The following SNRNP200 variants were observed in gnomAD, a reference collection of about 807,000 sequenced individuals.
SNRNP200 encodes the protein small nuclear ribonucleoprotein U5 subunit 200.
Under a neutral mutation model 255.2 loss-of-function variants are expected in SNRNP200, and 66 were observed. That is an observed-to-expected ratio of 0.26 (90% CI 0.21 to 0.32). SNRNP200 has a LOEUF of 0.32. Ranked by LOEUF, SNRNP200 falls within the 10% of genes least tolerant of loss-of-function variation. The pLI is 1.00. For missense variants in SNRNP200, 1,585 were observed against 2,749.8 expected (o/e 0.58, Z 9.47); for synonymous variants, 939 against 1,027.8 (o/e 0.91, Z 1.65).
At chr2:96,301,268 T>C (rs2063950648) in intron 4 of SNRNP200, among the ~76,000 whole-genome samples, 1 of 152,218 alleles carries the variant, frequency 6.6e-6, no homozygotes, top group Non-Finnish European at 1.5e-5. Flanking sequence ...CCAGCTCTGC[T>C]TGCTCAACCA....
Position 96,277,006 on chromosome 2 carries a change from C to G in SNRNP200, c.6093-21G>C, listed in dbSNP as rs748433799. The G allele has an allele frequency of 6.2e-7, 1 of 1,614,016 alleles. No individual in the cohort carries two copies. The highest frequency in any genetic ancestry group is 1.1e-5 in the South Asian group (1 of 91,080). On this transcript the variant is annotated intron_variant, in intron 42 of 44. Transcript: ENST00000323853. This position sits in a 1 kb window ranked among gnomAD's most constrained non-coding sequence, Gnocchi z 4.4. ...CGCCACTGCAGGGGGAGAGGAGGGGCGCACGTCAGTGATGGGGCAGTGGGC... is the reference window on the plus strand; with the variant it reads ...CGCCACTGCAGGGGGAGAGGAGGGGGGCACGTCAGTGATGGGGCAGTGGGC...
rs2063846543 is a variant in SNRNP200, at chr2:96,286,788, G to C, written c.3729C>G (p.Ala1243=). The C allele has an allele frequency of 6.2e-7, 1 of 1,614,170 alleles. No individual in the cohort carries two copies. The highest frequency in any genetic ancestry group is 8.5e-7 in the Non-Finnish European group (1 of 1,180,038). ...TGAGGTGCTCGTCCTGGGCGTACTT[G>C]GCCTTGAGGAGAAAATACTCATGGT... The part of the protein sequence containing the change: ...ILHHEYFLLK[A]KYAQDEHLIT... Residue 1243 remains alanine, a synonymous_variant, in exon 28 of 45, where the codon GCC becomes GCG. Coordinates refer to ENST00000323853, the MANE Select transcript of SNRNP200 (RefSeq NM_014014.5). The surrounding 1 kb of genome is among the most constrained non-coding windows in gnomAD (Gnocchi z 4.8).
At position 96,293,304 on chromosome 2, in the gene SNRNP200, C is replaced by T; in HGVS notation, c.2036+12G>A. On this transcript the variant is annotated intron_variant, in intron 15 of 44. Coordinates refer to ENST00000323853, the MANE Select transcript of SNRNP200 (RefSeq NM_014014.5). ...TCACCTTGGCAGAACTTTGCCCAGT[C>T]TTTCCTGATACCTGTTGTCAAAGTA... The T allele has an allele frequency of 6.2e-7, 1 of 1,613,192 alleles. No homozygotes were observed. Among genetic ancestry groups the T allele is most frequent in the Non-Finnish European group, 8.5e-7 (1 of 1,179,108 alleles).
At position 96,290,367 on chromosome 2, in the gene SNRNP200, G is replaced by C; in HGVS notation, c.2701C>G (p.Leu901Val). 1 of 1,614,176 alleles carries C rather than the reference G, an allele frequency of 6.2e-7. No individual in the cohort carries two copies. Among genetic ancestry groups the C allele is most frequent in the East Asian group, 2.2e-5 (1 of 44,878 alleles). Reference sequence around the variant, plus strand: ...TTTCCTAGCACGATTTCTGCATTGAGCATGTCAGGAAGCTTTGAAACCATC... The same window carrying C: ...TTTCCTAGCACGATTTCTGCATTGACCATGTCAGGAAGCTTTGAAACCATC... ...SQMVSKLPDM[L>V]NAEIVLGNVQ... Residue 901 changes from leucine (L) to valine (V), a missense_variant, in exon 20 of 45, where the codon CTC (leucine) becomes GTC (valine). By Grantham distance (32) the Leu-to-Val change is conservative. Around this residue, in one of 9 missense-constraint regions of SNRNP200, gnomAD observed 719 missense variants for 1,091.1 expected, o/e 0.66. Transcript: ENST00000323853. The surrounding 1 kb of genome is among the most constrained non-coding windows in gnomAD (Gnocchi z 4.5).
rs79824458 is a variant in SNRNP200, at chr2:96,280,112, A to C, written c.5025-553T>G. 4.7e-3 allele frequency among the ~76,000 whole-genome samples: 722 copies of C among 152,314 alleles called. 2 individuals carry two copies. Among genetic ancestry groups the C allele is most frequent in the Admixed American group, 9.0e-3 (137 of 15,298 alleles). On this transcript the variant is annotated intron_variant, in intron 35 of 44. Transcript: ENST00000323853. ...ATTTCGTGAGTCATCAAGTCACCCA[A>C]CTTTAACCCTACCTAGAAGCAGGTT...
Position 96,286,460 on chromosome 2 carries a change from G to A in SNRNP200, c.3854C>T (p.Ser1285Phe), listed in dbSNP as rs2063844010. The change falls in exon 29 of 45, where the codon TCC becomes TTC. Residue 1285 changes from serine to phenylalanine, a missense_variant. Physicochemically the swap from Ser to Phe is radical, Grantham distance 155. Transcript: ENST00000323853. This position sits in a 1 kb window ranked among gnomAD's most constrained non-coding sequence, Gnocchi z 4.8. Reference sequence around the variant, plus strand: ...CTCCGGCAAGATCAGGTGCCGGAAGGAGACAGGCAGCTGGGTCTCACAAGC... The same window carrying A: ...CTCCGGCAAGATCAGGTGCCGGAAGAAGACAGGCAGCTGGGTCTCACAAGC... ...WLSCETQLPV[S>F]FRHLILPEKY... is the part of the protein sequence containing the mutation. 1 of 1,614,172 alleles carries A rather than the reference G, an allele frequency of 6.2e-7. No homozygotes were observed.
intron 13 of SNRNP200, among the ~76,000 whole-genome samples, chr2:96,295,877 G>A (rs1324248065): frequency 6.6e-6 from 1 of 152,176 alleles, no homozygotes; most frequent in Non-Finnish European, 1.5e-5. Context: ...CAGGCATGGT[G>A]GCTCATGCCT....
intron 2 of SNRNP200, 96 bp from the exon 3 acceptor site, chr2:96,303,426 A>G (rs1422665047): frequency 5.0e-6 from 7 of 1,408,796 alleles, no homozygotes; most frequent in Non-Finnish European, 6.0e-6. Context: ...CTTCATGGCA[A>G]GAAGTTAATA....
At chr2:96,275,429 A>G in intron 43 of SNRNP200, 80 bp from the exon 44 acceptor site, 1 of 1,180,968 alleles carries the variant, frequency 8.5e-7, no homozygotes, top group Non-Finnish European at 1.3e-6. Flanking sequence ...ACAGTTACAA[A>G]AGAGAGAACA....
intron 35 of SNRNP200, 119 bp from the exon 36 acceptor site, chr2:96,279,678 T>C: frequency 1.4e-6 from 1 of 697,662 alleles, no homozygotes; most frequent in Non-Finnish European, 2.6e-6. Flanking sequence ...CACGGACAAA[T>C]CACGGGACGA....
Position 96,289,022 on chromosome 2 carries a change from A to C in SNRNP200, c.3174+15T>G, listed in dbSNP as rs758500276. 1 of 1,598,316 alleles carries C rather than the reference A, an allele frequency of 6.3e-7. No individual in the cohort carries two copies. Among genetic ancestry groups the C allele is most frequent in the East Asian group, 2.2e-5 (1 of 44,748 alleles). ...AATCCTCATCCTTATCAAAGCAAAG[A>C]GGAGAGGAGCTCACCTTAGCACTGG... On this transcript the variant is annotated intron_variant, in intron 23 of 44. Coordinates refer to ENST00000323853, the MANE Select transcript of SNRNP200 (RefSeq NM_014014.5).
In SNRNP200 at chr2:96,303,221, T is replaced by C. The variant is rs2063964442; in HGVS notation, c.319A>G (p.Lys107Glu). 1.2e-6 allele frequency: 2 copies of C among 1,614,208 alleles called. No homozygotes were observed. Among genetic ancestry groups the C allele is most frequent in the Non-Finnish European group, 1.7e-6 (2 of 1,180,034 alleles). The change falls in exon 3 of 45, where the codon AAA becomes GAA. Residue 107 changes from lysine (K) to glutamate (E), a missense_variant. Lys to Glu is a moderately conservative substitution (Grantham distance 56). Coordinates refer to ENST00000323853, the MANE Select transcript of SNRNP200 (RefSeq NM_014014.5). ...ACCTCATAGGTCTCCCGAGTCTCTT[T>C]AGTTTTGGGCTTGTAGATGATGCCC... ...MVGIIYKPKT[K>E]ETRETYEVLL...
At position 96,275,089 on chromosome 2, in the gene SNRNP200, C is replaced by T. The variant is rs1460114569; in HGVS notation, c.6334G>A (p.Ala2112Thr). The change falls in exon 45 of 45, where the codon GCT becomes ACT. Residue 2112 changes from alanine to threonine, a missense_variant. Coordinates refer to ENST00000323853, the MANE Select transcript of SNRNP200 (RefSeq NM_014014.5). ...TACTCCTGGTCACATCCCATGTAAG[C>T]GTCACTCATGAAGTACAGAGTGTAG... ...HNYTLYFMSDAYMGCDQEYKF... is the reference protein window; with the variant it reads ...HNYTLYFMSDTYMGCDQEYKF... 4 of 1,614,242 alleles carry T rather than the reference C, an allele frequency of 2.5e-6. No individual in the cohort carries two copies. Among genetic ancestry groups the T allele is most frequent in the East Asian group, 2.2e-5 (1 of 44,888 alleles).
intron 14 of SNRNP200, 116 bp from the exon 15 acceptor site, chr2:96,293,625 G>T: frequency 1.1e-6 from 1 of 923,712 alleles, no homozygotes; most frequent in Non-Finnish European, 1.7e-6. Flanking sequence ...AAAGACAAGG[G>T]ATCCCAAGCC....
chr2:96,286,863 G>C lies in SNRNP200; in HGVS notation c.3654C>G (p.Ser1218=). 1 of 1,614,134 alleles carries C rather than the reference G, an allele frequency of 6.2e-7. No homozygotes were observed. The highest frequency in any genetic ancestry group is 1.7e-5 in the Admixed American group (1 of 60,008). ...CCTCCACCAGAATCCAAAAAGCCTCGGATGAACCATGCACCTGCCAACAGG... is the reference window on the plus strand; with the variant it reads ...CCTCCACCAGAATCCAAAAAGCCTCCGATGAACCATGCACCTGCCAACAGG... ...FQWDEKVHGS[S]EAFWILVEDV... is the part of the protein sequence containing the mutation. The change falls in exon 28 of 45, where the codon TCC becomes TCG. Residue 1218 remains serine (S), a synonymous_variant. Transcript: ENST00000323853. The surrounding 1 kb of genome is among the most constrained non-coding windows in gnomAD (Gnocchi z 4.8).
intron 21 of SNRNP200, 60 bp downstream of exon 21, chr2:96,289,739 T>A: frequency 6.5e-7 from 1 of 1,548,398 alleles, no homozygotes; most frequent in Non-Finnish European, 8.9e-7. Context: ...TCTGAAAAAT[T>A]TTTTCCTGGG....
At chr2:96,293,223 C>A in intron 15 of SNRNP200, 93 bp downstream of exon 15, 1 of 1,570,564 alleles carries the variant, frequency 6.4e-7, no homozygotes, top group South Asian at 1.1e-5. Flanking sequence ...CCCAAAGGCC[C>A]TTCTAAAACC....
Position 96,286,218 on chromosome 2 carries a change from G to A in SNRNP200, c.4003+93C>T. 7.7e-7 allele frequency: 1 copy of A among 1,305,384 alleles called. No homozygotes were observed. The allele number at this position is 1,305,384 out of a possible 1,614,324, so 80.9% of individuals were successfully genotyped here. On this transcript the variant is annotated intron_variant, in intron 29 of 44. Transcript: ENST00000323853. This position sits in a 1 kb window ranked among gnomAD's most constrained non-coding sequence, Gnocchi z 4.8. ...ACTGAGGAGCTCCCAGACCTCCCAA[G>A]TGCCTGAGCACCCCCACTCCCCTGC...
chr2:96,276,693 T>C (rs781757866), intron 43 of SNRNP200: 4 of 653,268 alleles, frequency 6.1e-6, no homozygotes, highest in Middle Eastern at 2.5e-4. Context: ...GTGCTGGGAT[T>C]ACAGGCGTGA....
Sources: allele counts gnomAD v4.1 joint callset (sites outside exome capture counted in the v4.1 genomes callset), GRCh38; gene constraint gnomAD v4.1.1; regional missense constraint gnomAD v4.1.1; non-coding constraint Gnocchi (gnomAD v3.1); transcripts MANE v1.5; gene names NCBI Gene and HGNC (gene_info 2026-07-23, HGNC 2026-07-21).